CD109: variants seen among roughly 807,000 people sequenced by gnomAD.
CD109 encodes CD109 antigen.
A neutral mutation model predicts 165.8 loss-of-function variants in CD109; 149 were observed. The ratio of observed to expected loss-of-function variants is 0.90; its 90% confidence interval spans 0.79 to 1.03. The LOEUF (loss-of-function observed/expected upper bound fraction) is 1.03. Ranked by LOEUF, CD109 falls within the 50% of genes least tolerant of loss-of-function variation. The pLI, the probability that CD109 is intolerant of heterozygous loss-of-function variation, is 0.00. For missense variants in CD109, 1,712 were observed against 1,677.8 expected, an observed-to-expected ratio of 1.02 and a Z score of -0.36; for synonymous variants, 585 against 592.1, an observed-to-expected ratio of 0.99 and a Z score of 0.18.
rs1774376729 is a variant in CD109 at position 73,779,243 on chromosome 6, A to G, written c.1828-1181A>G. On this transcript the variant is annotated intron_variant, in intron 15 of 32. Transcript: ENST00000287097. ...TATTCCATGTTGTAGCATGTATCAG[A>G]GCTTCATTTCTTTTTTTTTTTTTGA... Among the ~76,000 whole-genome samples the G allele has an allele frequency of 1.4e-5, 2 of 139,684 alleles. 1 individual carries two copies. The highest frequency in any genetic ancestry group is 4.6e-4 in the South Asian group (2 of 4,380). 91.6% of individuals were successfully genotyped at this position (139,684 alleles called of 152,430 possible).
At chr6:73,800,830 A>G (rs1775336267) in intron 23 of CD109, among the ~76,000 whole-genome samples, 1 of 152,200 alleles carries the variant, frequency 6.6e-6, no homozygotes, top group African/African-American at 2.4e-5. Flanking sequence ...TGTAAGTAAT[A>G]ACATATAAAC....
chr6:73,778,916 A>G (rs1054058305), intron 15 of CD109, among the ~76,000 whole-genome samples: 1 of 152,108 alleles, frequency 6.6e-6, no homozygotes, highest in African/African-American at 2.4e-5. Context: ...ATTTTTATTG[A>G]AGTTAAATAT....
At chr6:73,721,018 G>T (rs560949670) in intron 2 of CD109, among the ~76,000 whole-genome samples, 1 of 152,194 alleles carries the variant, frequency 6.6e-6, no homozygotes, top group East Asian at 1.9e-4. Flanking sequence ...CACTGGCATC[G>T]TTTTCTCTAG....
chr6:73,749,355 C>G (rs1300080105), intron 5 of CD109, among the ~76,000 whole-genome samples: 1 of 152,070 alleles, frequency 6.6e-6, no homozygotes, highest in Non-Finnish European at 1.5e-5. Flanking sequence ...CTTTACAAGT[C>G]CAAGATAGGG....
intron 24 of CD109, among the ~76,000 whole-genome samples, chr6:73,803,580 G>A (rs919464614): frequency 4.6e-5 from 7 of 151,646 alleles, no homozygotes; most frequent in African/African-American, 1.7e-4. Context: ...TGATGATGGT[G>A]CAGCTGATAA....
chr6:73,810,394 T>C (rs1775711470), intron 27 of CD109, among the ~76,000 whole-genome samples: 1 of 151,640 alleles, frequency 6.6e-6, no homozygotes, highest in Non-Finnish European at 1.5e-5. Context: ...AATTGATTAA[T>C]TTTAATTTTT....
In CD109 at chr6:73,763,684, C is replaced by A. The variant is rs772390049; in HGVS notation, c.1106C>A (p.Thr369Asn). 3.3e-6 allele frequency: 5 copies of A among 1,492,922 alleles called. No homozygotes were observed. The highest frequency in any genetic ancestry group is 1.2e-5 in the South Asian group (1 of 81,282). The allele number at this position is 1,492,922 out of a possible 1,614,324, so 92.5% of individuals were successfully genotyped here. Residue 369 changes from threonine to asparagine, a missense_variant and splice_region_variant, in exon 10 of 33, where the codon ACT becomes AAT. Transcript: ENST00000287097. ...AAGCCATCTCTCAACTTCACAGCCA[C>A]TGTAAGTTGGTATATTTATTTCCAG... ...VLKPSLNFTA[T>N]VKVTRADGNQ...
intron 32 of CD109, among the ~76,000 whole-genome samples, chr6:73,822,053 T>C (rs962997759): frequency 6.6e-6 from 1 of 152,196 alleles, no homozygotes; most frequent in African/African-American, 2.4e-5. Flanking sequence ...TATAGCCTGT[T>C]TGGAAAATAA....
At chr6:73,763,792 A>G (rs1773731830) in intron 10 of CD109, 107 bp downstream of exon 10, 4 of 510,330 alleles carry the variant, frequency 7.8e-6, no homozygotes, top group East Asian at 3.2e-5. Flanking sequence ...GCCAAAAAGT[A>G]TATAACTTTG....
chr6:73,793,273 C>T (rs1306250662), intron 23 of CD109, among the ~76,000 whole-genome samples: 1 of 152,156 alleles, frequency 6.6e-6, no homozygotes, highest in Non-Finnish European at 1.5e-5. Flanking sequence ...TGGGGACCTT[C>T]TCAGTGCATT....
the CD109 span, among the ~76,000 whole-genome samples, chr6:73,690,598 T>C: frequency 6.6e-6 from 1 of 152,188 alleles, no homozygotes; most frequent in Non-Finnish European, 1.5e-5. Context: ...ACGGGGTTTC[T>C]CCATGTTGGT....
chr6:73,765,887 T>C, intron 10 of CD109, 43 bp from the exon 11 acceptor site: 1 of 1,385,382 alleles, frequency 7.2e-7, no homozygotes, highest in Non-Finnish European at 1.0e-6. Flanking sequence ...TTAATCGTAC[T>C]TAAATCCTTT....
At chr6:73,774,856 A>G (rs1049408237) in intron 15 of CD109, among the ~76,000 whole-genome samples, 3 of 151,970 alleles carry the variant, frequency 2.0e-5, no homozygotes, top group Non-Finnish European at 4.4e-5. Context: ...TGTGCACGTT[A>G]AAGTTTTCTG....
chr6:73,807,034 T>A lies in CD109; in HGVS notation c.3151T>A (p.Tyr1051Asn). 10 of 1,613,692 alleles carry A rather than the reference T, an allele frequency of 6.2e-6. No individual in the cohort carries two copies. Among genetic ancestry groups the A allele is most frequent in the Non-Finnish European group, 8.5e-6 (10 of 1,179,670 alleles). ...GNKSPVTLTA[Y>N]IVTSLLGYRK... Reference sequence around the variant, plus strand: ...TAAAAGTCCAGTAACACTTACAGCCTATATTGTAACTTCTCTCCTGGGATA... The same window carrying A: ...TAAAAGTCCAGTAACACTTACAGCCAATATTGTAACTTCTCTCCTGGGATA... Residue 1051 changes from tyrosine to asparagine, a missense_variant, in exon 25 of 33, where the codon TAT becomes AAT. Coordinates refer to ENST00000287097, the MANE Select transcript of CD109 (RefSeq NM_133493.5).
chr6:73,791,155 A>G (rs1215437228), intron 22 of CD109, among the ~76,000 whole-genome samples: 1 of 33,318 alleles, frequency 3.0e-5, no homozygotes, highest in South Asian at 1.1e-3. Flanking sequence ...ATATATATAT[A>G]TATATATATA....
At chr6:73,687,312 C>T in the CD109 span, among the ~76,000 whole-genome samples, 2 of 152,078 alleles carry the variant, frequency 1.3e-5, no homozygotes, top group East Asian at 1.9e-4. Flanking sequence ...CTAAAAAAAA[C>T]CATGCATGAT....
chr6:73,757,294 A>G (rs1773434273), intron 6 of CD109, among the ~76,000 whole-genome samples: 2 of 152,212 alleles, frequency 1.3e-5, no homozygotes, highest in Non-Finnish European at 2.9e-5. Context: ...AGAAATTATA[A>G]TATACAGGTA....
intron 5 of CD109, among the ~76,000 whole-genome samples, chr6:73,756,015 G>C (rs928137005): frequency 6.6e-6 from 1 of 152,014 alleles, no homozygotes; most frequent in African/African-American, 2.4e-5. Context: ...TGAAGAGTTA[G>C]ATAAATGATA....
At chr6:73,680,375 G>T in the CD109 span, among the ~76,000 whole-genome samples, 2 of 152,184 alleles carry the variant, frequency 1.3e-5, no homozygotes, top group Non-Finnish European at 2.9e-5. Flanking sequence ...GCCAGTGTAA[G>T]GGTGTGGCAT....
Sources: allele counts gnomAD v4.1 joint callset (sites outside exome capture counted in the v4.1 genomes callset), GRCh38; gene constraint gnomAD v4.1.1; transcripts MANE v1.5; gene names NCBI Gene and HGNC (gene_info 2026-07-23, HGNC 2026-07-21).